CACNG2: variants seen among roughly 807,000 people sequenced by gnomAD.
The protein encoded by CACNG2 is calcium voltage-gated channel auxiliary subunit gamma 2.
A neutral mutation model predicts 25.9 loss-of-function variants in CACNG2; 3 were observed. The observed-to-expected ratio is 0.12, with a 90% CI of 0.05 to 0.30. The LOEUF is 0.30. CACNG2 is among the 10% of genes least tolerant of loss of function. CACNG2 has a pLI of 1.00. For missense variants in CACNG2, 341 were observed against 432.5 expected (o/e 0.79, Z 1.88); for synonymous variants, 167 against 173.3 (o/e 0.96, Z 0.29).
intron 1 of CACNG2, among the ~76,000 whole-genome samples, chr22:36,633,609 T>C (rs1438822527): frequency 1.3e-5 from 2 of 152,236 alleles, no homozygotes; most frequent in Non-Finnish European, 2.9e-5. Flanking sequence ...TATTTAGACA[T>C]GTCTGTTTTG....
chr22:36,702,280 GGGACTTATTTGGA>G (rs1368288750), intron 1 of CACNG2, 73 bp downstream of exon 1: 5 of 826,432 alleles, frequency 6.1e-6, no homozygotes, highest in Non-Finnish European at 9.9e-6. Flanking sequence ...GAATGTAAAG[GGGACTTATTTGGA>G]GGAGGGTGGG....
intron 2 of CACNG2, among the ~76,000 whole-genome samples, chr22:36,575,654 G>A (rs1048373341): frequency 1.2e-4 from 19 of 152,308 alleles, no homozygotes; most frequent in South Asian, 4.1e-4. Flanking sequence ...ACTCTGATGA[G>A]GTTGGAGTAG....
At chr22:36,666,976 C>A (rs1171690419) in intron 1 of CACNG2, among the ~76,000 whole-genome samples, 2 of 151,398 alleles carry the variant, frequency 1.3e-5, no homozygotes, top group Admixed American at 1.3e-4. Context: ...GACTCACACG[C>A]AACATGGGAT....
chr22:36,620,474 C>A (rs1372166707), intron 1 of CACNG2, among the ~76,000 whole-genome samples: 1 of 152,192 alleles, frequency 6.6e-6, no homozygotes, highest in Non-Finnish European at 1.5e-5. Flanking sequence ...AATAAACAAT[C>A]ACCACGTAGA....
At chr22:36,616,440 C>T (rs1157523457) in intron 1 of CACNG2, among the ~76,000 whole-genome samples, 1 of 152,178 alleles carries the variant, frequency 6.6e-6, no homozygotes, top group African/African-American at 2.4e-5. Flanking sequence ...ACGCCATAGT[C>T]TAGCGCCTTA....
chr22:36,621,706 A>T (rs1377463512), intron 1 of CACNG2, among the ~76,000 whole-genome samples: 1 of 152,140 alleles, frequency 6.6e-6, no homozygotes, highest in Non-Finnish European at 1.5e-5. Context: ...GCACTGTAGC[A>T]CATACTCCCC....
chr22:36,563,445 C>T lies in CACNG2; in HGVS notation c.*906G>A, dbSNP rs752685819. ...CCCAAGAGGCTCACCCTGAGGATTC[C>T]GGGGTTTCCGGCATCTTGGTAAGCC... On this transcript the variant is annotated 3_prime_UTR_variant, in exon 4 of 4. Transcript: ENST00000300105. 2.0e-4 allele frequency among the ~76,000 whole-genome samples: 31 copies of T among 152,194 alleles called. No individual in the cohort carries two copies. Among genetic ancestry groups the T allele is most frequent in the African/African-American group, 6.7e-4 (28 of 41,552 alleles).
At chr22:36,615,757 A>C (rs1936012739) in intron 1 of CACNG2, among the ~76,000 whole-genome samples, 1 of 109,326 alleles carries the variant, frequency 9.1e-6, no homozygotes. Flanking sequence ...GCAGGTGCTC[A>C]GTAAATATTT....
rs746120332 is a variant in CACNG2 at position 36,702,373 on chromosome 22, G to A, written c.204C>T (p.Cys68=). 6.2e-7 allele frequency: 1 copy of A among 1,610,040 alleles called. No homozygotes were observed. The highest frequency in any genetic ancestry group is 2.2e-5 in the East Asian group (1 of 44,856). The stretch of plus-strand genomic sequence containing the variant: ...AGATGGGAAGTCAAGTACCTTCTAG[G>A]CAGCAGGTTCTCCATAATCCGGAAT... ...MTHSGLWRTC[C]LEGNFKGLCK... Residue 68 remains cysteine, a synonymous_variant, in exon 1 of 4, where the codon TGC becomes TGT. Coordinates refer to ENST00000300105, the MANE Select transcript of CACNG2 (RefSeq NM_006078.5).
intron 1 of CACNG2, among the ~76,000 whole-genome samples, chr22:36,638,159 A>C (rs918441148): frequency 6.6e-6 from 1 of 152,104 alleles, no homozygotes; most frequent in Non-Finnish European, 1.5e-5. Context: ...TCTCGCACCC[A>C]CCCATTTCTC....
rs1416696494 is a variant in CACNG2 at position 36,702,304 on chromosome 22, GA to G, written c.211+61del. The G allele has an allele frequency of 2.7e-4, 274 of 1,011,508 alleles. No individual in the cohort carries two copies. The Middle Eastern group carries it at 3.6e-3, about 13-fold the overall frequency. 62.7% of individuals were successfully genotyped at this position (1,011,508 alleles called of 1,614,324 possible). Reference sequence around the variant, plus strand: ...GGGGACTTATTTGGAGGAGGGTGGGGAGGGGGGAGTGAAAGGGGAGGGGTGG... The same window carrying G: ...GGGGACTTATTTGGAGGAGGGTGGGGGGGGGGAGTGAAAGGGGAGGGGTGG... On this transcript the variant is annotated intron_variant, in intron 1 of 3. Coordinates refer to ENST00000300105, the MANE Select transcript of CACNG2 (RefSeq NM_006078.5).
intron 1 of CACNG2, among the ~76,000 whole-genome samples, chr22:36,681,857 C>G (rs1601454124): frequency 6.6e-6 from 1 of 152,126 alleles, no homozygotes; most frequent in African/African-American, 2.4e-5. Context: ...AGGATCCAGC[C>G]CATGGTAGCT....
At chr22:36,688,893 A>G (rs531458597) in intron 1 of CACNG2, among the ~76,000 whole-genome samples, 1 of 152,304 alleles carries the variant, frequency 6.6e-6, no homozygotes, top group South Asian at 2.1e-4. Context: ...TGATCTGTGT[A>G]CACATTAAAG....
At chr22:36,570,802 G>GCAAATAGCAC (rs1935213370) in intron 2 of CACNG2, among the ~76,000 whole-genome samples, 2 of 149,574 alleles carry the variant, frequency 1.3e-5, no homozygotes, top group South Asian at 4.2e-4. Context: ...TGGGCAACCA[G>GCAAATAGCAC]CAAATAGCAC....
chr22:36,563,706 C>T lies in CACNG2; in HGVS notation c.*645G>A, dbSNP rs1935068363. Reference sequence around the variant, plus strand: ...AGCCTTCCTGGAGTTCCTGGGGCACCCACCCAGGGGCTCCAGGGACCTGGC... The same window carrying T: ...AGCCTTCCTGGAGTTCCTGGGGCACTCACCCAGGGGCTCCAGGGACCTGGC... On this transcript the variant is annotated 3_prime_UTR_variant, in exon 4 of 4. Transcript: ENST00000300105. Among the ~76,000 whole-genome samples the T allele has an allele frequency of 6.6e-6, 1 of 151,956 alleles. No homozygotes were observed. The highest frequency in any genetic ancestry group is 1.9e-4 in the East Asian group (1 of 5,166).
chr22:36,634,436 A>G (rs1936324620), intron 1 of CACNG2, among the ~76,000 whole-genome samples: 2 of 152,256 alleles, frequency 1.3e-5, no homozygotes, highest in South Asian at 4.1e-4. Context: ...ATGTCCCTGA[A>G]TCAATACTTG....
chr22:36,609,749 A>G (rs1366892939), intron 1 of CACNG2, among the ~76,000 whole-genome samples: 3 of 117,818 alleles, frequency 2.5e-5, no homozygotes, highest in African/African-American at 9.8e-5. Context: ...GGAATCAGCC[A>G]ACAGAGCATG....
At chr22:36,589,631 G>A (rs1935556545) in intron 1 of CACNG2, among the ~76,000 whole-genome samples, 1 of 152,106 alleles carries the variant, frequency 6.6e-6, no homozygotes, top group Admixed American at 6.5e-5. Context: ...GGGACTTCTG[G>A]TCGCTTCACT....
intron 1 of CACNG2, among the ~76,000 whole-genome samples, chr22:36,663,076 A>C (rs967086314): frequency 1.3e-5 from 2 of 152,022 alleles, no homozygotes; most frequent in African/African-American, 4.8e-5. Context: ...AACTCAGTGA[A>C]GTATCTCAGG....
Sources: allele counts gnomAD v4.1 joint callset (sites outside exome capture counted in the v4.1 genomes callset), GRCh38; gene constraint gnomAD v4.1.1; transcripts MANE v1.5; gene names NCBI Gene and HGNC (gene_info 2026-07-23, HGNC 2026-07-21).